The following FMNL2 variants were observed in gnomAD, a reference collection of about 807,000 sequenced individuals.
FMNL2 encodes formin-like protein 2.
A neutral mutation model predicts 130.2 loss-of-function variants in FMNL2; 51 were observed. The ratio of observed to expected loss-of-function variants is 0.39; its 90% CI spans 0.31 to 0.49. The LOEUF (loss-of-function observed/expected upper bound fraction) is 0.49, where lower values mean the gene tolerates loss of function less well. Ranked by LOEUF, FMNL2 falls within the 20% of genes least tolerant of loss-of-function variation. FMNL2 has a pLI of 0.85. For missense variants in FMNL2, 977 were observed against 1,316.2 expected (o/e 0.74, Z 3.99); for synonymous variants, 465 against 467.1 (o/e 1.00, Z 0.06).
chr2:152,552,396 C>T (rs539033196), intron 4 of FMNL2, among the ~76,000 whole-genome samples: 26 of 152,166 alleles, frequency 1.7e-4, no homozygotes, highest in Non-Finnish European at 1.6e-4. Context: ...TTATGATACC[C>T]AGAAATTAAA....
At chr2:152,629,577 C>T in intron 18 of FMNL2, 79 bp from the exon 19 acceptor site, 1 of 1,329,650 alleles carries the variant, frequency 7.5e-7, no homozygotes, top group Admixed American at 2.0e-5. Context: ...TTTCTTCTGT[C>T]TTAATATTTA....
chr2:152,566,792 G>A (rs16831382), intron 6 of FMNL2, among the ~76,000 whole-genome samples: 3,268 of 152,296 alleles, frequency 0.021, 115 homozygotes, highest in African/African-American at 0.074. Flanking sequence ...ATACGGAAAT[G>A]TAGAGGTGAG....
chr2:152,566,975 C>T (rs1453592919), intron 6 of FMNL2, among the ~76,000 whole-genome samples: 1 of 152,160 alleles, frequency 6.6e-6, no homozygotes, highest in African/African-American at 2.4e-5. Context: ...AGAGATGAGC[C>T]TGGCTGCAAG....
intron 1 of FMNL2, among the ~76,000 whole-genome samples, chr2:152,367,091 T>C (rs1223837330): frequency 2.0e-5 from 3 of 151,480 alleles, no homozygotes; most frequent in Admixed American, 6.6e-5. Flanking sequence ...TTTTTTTTTT[T>C]CCCAGATGGG....
chr2:152,608,468 AGAG>A (rs1251073276), intron 10 of FMNL2, among the ~76,000 whole-genome samples: 1 of 149,768 alleles, frequency 6.7e-6, no homozygotes, highest in Non-Finnish European at 1.5e-5. Context: ...AATCCTTTAT[AGAG>A]AAGATTTTCT....
chr2:152,586,368 G>A (rs188214611), intron 9 of FMNL2, among the ~76,000 whole-genome samples: 9 of 152,294 alleles, frequency 5.9e-5, no homozygotes, highest in African/African-American at 1.4e-4. Flanking sequence ...GAAGGCACTC[G>A]TGCTACACAT....
At chr2:152,641,052 C>A in intron 25 of FMNL2, 138 bp downstream of exon 25, 1 of 1,129,924 alleles carries the variant, frequency 8.9e-7, no homozygotes, top group Non-Finnish European at 1.3e-6. Context: ...CAGAGTGATG[C>A]AGAGAGGCTT....
chr2:152,345,941 A>G (rs187380486), intron 1 of FMNL2, among the ~76,000 whole-genome samples: 1 of 152,188 alleles, frequency 6.6e-6, no homozygotes, highest in Admixed American at 6.5e-5. Flanking sequence ...TGGCTTAGAA[A>G]TCTCCAGATC....
At chr2:152,447,304 T>C (rs1490261858) in intron 1 of FMNL2, among the ~76,000 whole-genome samples, 3 of 152,214 alleles carry the variant, frequency 2.0e-5, no homozygotes, top group Non-Finnish European at 2.9e-5. Context: ...AGTCTCACTG[T>C]GTTGCCCAGG....
chr2:152,462,010 C>T (rs1266822102), intron 1 of FMNL2, among the ~76,000 whole-genome samples: 4 of 152,102 alleles, frequency 2.6e-5, no homozygotes, highest in African/African-American at 9.7e-5. Context: ...ATCCTCCCAC[C>T]TCAGTCTCCC....
intron 1 of FMNL2, among the ~76,000 whole-genome samples, chr2:152,510,518 TAA>T (rs1312122452): frequency 6.6e-6 from 1 of 152,218 alleles, no homozygotes; most frequent in Non-Finnish European, 1.5e-5. Context: ...TTTAGCAGTT[TAA>T]AAAATTATGA....
At chr2:152,436,712 G>C (rs1037645963) in intron 1 of FMNL2, among the ~76,000 whole-genome samples, 1 of 152,068 alleles carries the variant, frequency 6.6e-6, no homozygotes, top group African/African-American at 2.4e-5. Context: ...CAGTGTTTCT[G>C]GTAGTGAGAA....
At chr2:152,550,305 A>G (rs559636717) in intron 4 of FMNL2, among the ~76,000 whole-genome samples, 115 of 152,358 alleles carry the variant, frequency 7.5e-4, no homozygotes, top group Non-Finnish European at 1.5e-3. Context: ...TTGGGTAAGA[A>G]TGTGCATTTC....
intron 1 of FMNL2, among the ~76,000 whole-genome samples, chr2:152,471,350 C>T (rs1372550871): frequency 1.3e-5 from 2 of 152,146 alleles, no homozygotes; most frequent in African/African-American, 4.8e-5. Flanking sequence ...TGAGGCTGTT[C>T]AGCCCTTCAT....
chr2:152,377,985 G>A (rs889755612), intron 1 of FMNL2, among the ~76,000 whole-genome samples: 2 of 152,008 alleles, frequency 1.3e-5, no homozygotes, highest in African/African-American at 4.8e-5. Context: ...GGTGGCACAT[G>A]CCTGTAGTCC....
At chr2:152,381,933 G>C (rs1684493177) in intron 1 of FMNL2, among the ~76,000 whole-genome samples, 3 of 151,966 alleles carry the variant, frequency 2.0e-5, no homozygotes, top group Admixed American at 2.0e-4. Flanking sequence ...GAGGAGGCTG[G>C]AACTACAAGC....
chr2:152,589,175 C>G (rs907575809), intron 9 of FMNL2, among the ~76,000 whole-genome samples: 11 of 151,854 alleles, frequency 7.2e-5, no homozygotes, highest in Non-Finnish European at 1.6e-4. Flanking sequence ...GTCACATTAT[C>G]TGTTGTACAA....
intron 12 of FMNL2, 34 bp downstream of exon 12, chr2:152,615,034 C>A (rs998016273): frequency 6.2e-7 from 1 of 1,601,076 alleles, no homozygotes; most frequent in Admixed American, 1.8e-5. Context: ...AAATTGCTTA[C>A]ATTTCAGCTG....
intron 10 of FMNL2, among the ~76,000 whole-genome samples, chr2:152,611,232 G>A (rs919352649): frequency 5.9e-5 from 9 of 152,100 alleles, no homozygotes; most frequent in African/African-American, 9.7e-5. Flanking sequence ...CCAGCTACTC[G>A]GGAGGCCGAG....
Sources: allele counts gnomAD v4.1 joint callset (sites outside exome capture counted in the v4.1 genomes callset), GRCh38; gene constraint gnomAD v4.1.1; transcripts MANE v1.5; gene names NCBI Gene and HGNC (gene_info 2026-07-23, HGNC 2026-07-21).